SCAPER: variants seen among roughly 807,000 people sequenced by gnomAD.
SCAPER encodes S-phase cyclin A associated protein in the ER, also known as S phase cyclin A-associated protein in the endoplasmic reticulum.
SCAPER carries 98 observed loss-of-function variants against 182.2 expected under a neutral mutation model. The ratio of observed to expected loss-of-function variants is 0.54; its 90% CI spans 0.46 to 0.64. The LOEUF (loss-of-function observed/expected upper bound fraction) is 0.64, where lower values mean the gene tolerates loss of function less well. Among genes scored for constraint, SCAPER ranks in the 30% least tolerant of loss-of-function variants. The pLI, the probability that SCAPER is intolerant of heterozygous loss-of-function variation, is 0.00. For missense variants in SCAPER, 1,432 were observed against 1,690.0 expected, an observed-to-expected ratio of 0.85 and a Z score of 2.68; for synonymous variants, 605 against 564.6, an observed-to-expected ratio of 1.07 and a Z score of -1.01.
At chr15:76,814,185 C>T (rs1013041319) in intron 5 of SCAPER, among the ~76,000 whole-genome samples, 4 of 152,190 alleles carry the variant, frequency 2.6e-5, no homozygotes, top group Admixed American at 2.0e-4. Flanking sequence ...AAAATTCATA[C>T]TATCCAAAGT....
intron 20 of SCAPER, among the ~76,000 whole-genome samples, chr15:76,692,710 AAAG>A (rs1567816692): frequency 6.7e-6 from 1 of 149,652 alleles, no homozygotes; most frequent in African/African-American, 2.5e-5. Context: ...AAAAAAAAAA[AAAG>A]GAAAAGGAAA....
At chr15:76,511,875 A>G (rs201103365) in intron 23 of SCAPER, among the ~76,000 whole-genome samples, 6,605 of 41,936 alleles carry the variant, frequency 0.16, 211 homozygotes, top group East Asian at 0.23. Flanking sequence ...GTGTGTGTAT[A>G]TATATATATA....
intron 21 of SCAPER, among the ~76,000 whole-genome samples, chr15:76,641,526 G>C (rs747567392): frequency 3.9e-5 from 6 of 152,190 alleles, no homozygotes; most frequent in Non-Finnish European, 8.8e-5. Flanking sequence ...TCAATCTGCT[G>C]ATCCGCCTGG....
chr15:76,489,445 A>C (rs2052055384), intron 24 of SCAPER, among the ~76,000 whole-genome samples: 1 of 151,584 alleles, frequency 6.6e-6, no homozygotes, highest in Admixed American at 6.6e-5. Flanking sequence ...TCTTCTTTCT[A>C]GTCAACTCCT....
At chr15:76,608,475 TGAG>T (rs2050667014) in intron 22 of SCAPER, among the ~76,000 whole-genome samples, 1 of 152,160 alleles carries the variant, frequency 6.6e-6, no homozygotes, top group Non-Finnish European at 1.5e-5. Context: ...GGGACCCACT[TGAG>T]GAGGCAGTCT....
chr15:76,779,373 A>G (rs1377724361), intron 8 of SCAPER, among the ~76,000 whole-genome samples: 1 of 152,194 alleles, frequency 6.6e-6, no homozygotes, highest in East Asian at 1.9e-4. Flanking sequence ...ACATTACTAC[A>G]GATCTTCCAC....
At chr15:76,718,178 G>A (rs1327439353) in intron 17 of SCAPER, among the ~76,000 whole-genome samples, 1 of 152,116 alleles carries the variant, frequency 6.6e-6, no homozygotes, top group African/African-American at 2.4e-5. Context: ...AATAAGTCAT[G>A]AGTTAAAGAA....
At position 76,381,551 on chromosome 15, in the gene SCAPER, T is replaced by A; in HGVS notation, c.3532A>T (p.Thr1178Ser). The change falls in exon 28 of 32, where the codon ACC (threonine) becomes TCC (serine). Residue 1178 changes from threonine (T) to serine (S), a missense_variant. Transcript: ENST00000563290. ...ATATGAAGAACTCCAGCCAGGTCGG[T>A]TGCCTGAAGAGCAGCTGTCAGCCCT... ...PTGLTAALQATDLAGVLHMLY... is the reference protein window; with the variant it reads ...PTGLTAALQASDLAGVLHMLY... The A allele has an allele frequency of 1.2e-6, 2 of 1,611,896 alleles. No individual in the cohort carries two copies. The highest frequency in any genetic ancestry group is 2.2e-5 in the East Asian group (1 of 44,844).
chr15:76,617,075 G>T (rs2051558036), intron 22 of SCAPER, among the ~76,000 whole-genome samples: 1 of 151,928 alleles, frequency 6.6e-6, no homozygotes. Flanking sequence ...TATTACATGA[G>T]CTCTTTATCA....
chr15:76,862,654 G>T, intron 2 of SCAPER, 121 bp from the exon 3 acceptor site: 1 of 568,908 alleles, frequency 1.8e-6, no homozygotes, highest in Non-Finnish European at 2.9e-6. Context: ...TTTGGGATGT[G>T]GTGGGTGGTT....
chr15:76,701,031 C>T (rs1292885390), intron 20 of SCAPER, among the ~76,000 whole-genome samples: 4 of 149,756 alleles, frequency 2.7e-5, no homozygotes, highest in Non-Finnish European at 4.4e-5. Context: ...TCAGTTTATA[C>T]ATATGTAAAA....
chr15:76,829,510 T>C (rs973382370), intron 5 of SCAPER, among the ~76,000 whole-genome samples: 2 of 152,190 alleles, frequency 1.3e-5, no homozygotes, highest in African/African-American at 2.4e-5. Context: ...ATCAGGCTTC[T>C]CTTATAATCA....
intron 15 of SCAPER, among the ~76,000 whole-genome samples, chr15:76,741,010 G>A (rs1293563483): frequency 3.3e-5 from 5 of 151,898 alleles, no homozygotes; most frequent in Admixed American, 1.3e-4. Flanking sequence ...CTCTCAATAC[G>A]TTTCATATTT....
intron 1 of SCAPER, among the ~76,000 whole-genome samples, chr15:76,889,322 C>T (rs1204034149): frequency 6.6e-6 from 1 of 152,120 alleles, no homozygotes; most frequent in Non-Finnish European, 1.5e-5. Flanking sequence ...TCACACATAA[C>T]AATATTAACC....
At chr15:76,589,680 T>C (rs2048961433) in intron 22 of SCAPER, among the ~76,000 whole-genome samples, 1 of 152,082 alleles carries the variant, frequency 6.6e-6, no homozygotes, top group Admixed American at 6.5e-5. Context: ...GGATTCATGC[T>C]CTCCCTCAAG....
intron 30 of SCAPER, among the ~76,000 whole-genome samples, chr15:76,353,662 G>A (rs1450778748): frequency 1.3e-5 from 2 of 152,122 alleles, no homozygotes; most frequent in Non-Finnish European, 2.9e-5. Flanking sequence ...AAGAAGTCTG[G>A]CAGTCTTTTA....
intron 25 of SCAPER, among the ~76,000 whole-genome samples, chr15:76,454,608 A>G (rs2048594815): frequency 6.6e-6 from 1 of 152,112 alleles, no homozygotes; most frequent in Non-Finnish European, 1.5e-5. Flanking sequence ...CATTTTTATA[A>G]TTCATTGAAT....
intron 22 of SCAPER, among the ~76,000 whole-genome samples, chr15:76,582,674 G>A (rs2048351284): frequency 6.6e-6 from 1 of 152,040 alleles, no homozygotes; most frequent in South Asian, 2.1e-4. Flanking sequence ...GAAACAGAAG[G>A]AATCACACTA....
rs1394072955 is a variant in SCAPER, at chr15:76,621,778, T to C, written c.2697A>G (p.Ser899=). 1 of 1,607,306 alleles carries C rather than the reference T, an allele frequency of 6.2e-7. No individual in the cohort carries two copies. Among genetic ancestry groups the C allele is most frequent in the South Asian group, 1.1e-5 (1 of 89,436 alleles). The change falls in exon 22 of 32, where the codon TCA becomes TCG. Residue 899 remains serine (S), a synonymous_variant. Transcript: ENST00000563290. The part of the protein sequence containing the change: ...LMETKNSGSD[S]PYKAKLQRLA... ...GGAATACTCACTTTGCTTTATAAGG[T>C]GAATCAGAGCCAGAATTTTTGGTTT...
Sources: allele counts gnomAD v4.1 joint callset (sites outside exome capture counted in the v4.1 genomes callset), GRCh38; gene constraint gnomAD v4.1.1; transcripts MANE v1.5; gene names NCBI Gene and HGNC (gene_info 2026-07-23, HGNC 2026-07-21).